EIF2B3: variants seen among roughly 807,000 people sequenced by gnomAD.
EIF2B3 encodes the protein translation initiation factor eIF2B subunit gamma.
EIF2B3 carries 20 observed loss-of-function variants against 54.1 expected under a neutral mutation model. That is an observed-to-expected ratio of 0.37 (90% CI 0.26 to 0.54). EIF2B3 has a LOEUF of 0.54. EIF2B3 is among the 20% of genes least tolerant of loss of function. The probability of loss-of-function intolerance (pLI) is 0.86; values close to 1 mark genes in which losing one functional copy is unlikely to be tolerated. For missense variants in EIF2B3, 448 were observed against 547.8 expected (o/e 0.82, Z 1.82); for synonymous variants, 153 against 188.1 (o/e 0.81, Z 1.52).
At chr1:44,877,218 A>AC (rs1655221443) in intron 8 of EIF2B3, among the ~76,000 whole-genome samples, 1 of 150,232 alleles carries the variant, frequency 6.7e-6, no homozygotes, top group African/African-American at 2.5e-5. Flanking sequence ...AAAAAAAAAA[A>AC]AAAACACCTT....
chr1:44,984,815 T>C (rs954919736), intron 1 of EIF2B3, among the ~76,000 whole-genome samples: 1 of 132,454 alleles, frequency 7.5e-6, no homozygotes, highest in Non-Finnish European at 1.6e-5. Context: ...TTTTTTTTTT[T>C]TTGAGACGGA....
At chr1:44,982,961 G>T (rs540394832) in intron 1 of EIF2B3, among the ~76,000 whole-genome samples, 38 of 152,126 alleles carry the variant, frequency 2.5e-4, no homozygotes, top group South Asian at 1.9e-3. Context: ...GTAGAGACAG[G>T]GTTTCTCCAC....
chr1:44,936,509 T>C (rs1318127386), intron 4 of EIF2B3, among the ~76,000 whole-genome samples: 1 of 151,946 alleles, frequency 6.6e-6, no homozygotes, highest in Non-Finnish European at 1.5e-5. Flanking sequence ...GAGAATTGCT[T>C]GAACCCGAGA....
chr1:44,969,442 G>T (rs1000688478), intron 3 of EIF2B3, among the ~76,000 whole-genome samples: 2 of 152,124 alleles, frequency 1.3e-5, no homozygotes, highest in African/African-American at 4.8e-5. Flanking sequence ...TTATATTTAT[G>T]AGGCAACTGA....
chr1:44,851,335 G>T (rs563535128), intron 11 of EIF2B3, among the ~76,000 whole-genome samples: 53 of 152,152 alleles, frequency 3.5e-4, no homozygotes, highest in Middle Eastern at 6.8e-3. Flanking sequence ...AAAGTGCTGG[G>T]ATTACAGGTA....
intron 3 of EIF2B3, among the ~76,000 whole-genome samples, chr1:44,965,019 C>T (rs1644322119): frequency 6.6e-6 from 1 of 152,186 alleles, no homozygotes; most frequent in African/African-American, 2.4e-5. Flanking sequence ...GGTCAGGATC[C>T]ATATCCAAGG....
intron 5 of EIF2B3, among the ~76,000 whole-genome samples, chr1:44,919,538 A>G (rs1297168663): frequency 6.6e-6 from 1 of 152,130 alleles, no homozygotes; most frequent in Admixed American, 6.6e-5. Context: ...GTTGAAACAC[A>G]TCACATGTTG....
At chr1:44,968,300 G>C in intron 3 of EIF2B3, among the ~76,000 whole-genome samples, 1 of 150,076 alleles carries the variant, frequency 6.7e-6, no homozygotes, top group Non-Finnish European at 1.5e-5. Flanking sequence ...CAGGAGGTCA[G>C]GGCTGAAGTG....
intron 8 of EIF2B3, among the ~76,000 whole-genome samples, chr1:44,876,767 G>A (rs1363244227): frequency 6.9e-6 from 1 of 144,558 alleles, no homozygotes; most frequent in East Asian, 2.1e-4. Context: ...GGGAAAGGTG[G>A]GGAAAAGATT....
In EIF2B3 at chr1:44,881,517, A is replaced by G. The variant is rs1348384085; in HGVS notation, c.784+95T>C. The G allele has an allele frequency of 2.7e-6, 4 of 1,495,466 alleles. No individual in the cohort carries two copies. The East Asian group carries it at 9.2e-5, about 34-fold the overall frequency. The allele number at this position is 1,495,466 out of a possible 1,614,324, so 92.6% of individuals were successfully genotyped here. A position where few individuals can be genotyped will look rare whatever the true frequency, so the allele number is the denominator to read the frequency against. On this transcript the variant is annotated intron_variant, in intron 7 of 11. Coordinates refer to ENST00000360403, the MANE Select transcript of EIF2B3 (RefSeq NM_020365.5). This position sits in a 1 kb window ranked among gnomAD's most constrained non-coding sequence, Gnocchi z 4.0. ...AGGCTAGAAATAGTCTGCTGCCTTG[A>G]GTCAGGCATCTTGGGCTGGGCTAAG...
chr1:44,901,375 C>A (rs1643294671), intron 5 of EIF2B3, among the ~76,000 whole-genome samples: 1 of 151,970 alleles, frequency 6.6e-6, no homozygotes, highest in Non-Finnish European at 1.5e-5. Context: ...CTCGGCCTCC[C>A]AAAGTGTTGG....
At chr1:44,935,155 T>C (rs17390824) in intron 4 of EIF2B3, among the ~76,000 whole-genome samples, 22,657 of 152,244 alleles carry the variant, frequency 0.15, 1,816 homozygotes, top group Non-Finnish European at 0.17. Context: ...TAGAACATTT[T>C]CTATTTCAAG....
At chr1:44,934,200 A>C (rs1643922384) in intron 4 of EIF2B3, among the ~76,000 whole-genome samples, 1 of 152,070 alleles carries the variant, frequency 6.6e-6, no homozygotes. Flanking sequence ...GTTCAAGACC[A>C]GCCTGGCCAA....
chr1:44,950,527 C>G (rs372513750), intron 3 of EIF2B3, among the ~76,000 whole-genome samples: 1 of 151,618 alleles, frequency 6.6e-6, no homozygotes. Flanking sequence ...GAGAACCTTT[C>G]GGGTTAGGGA....
chr1:44,903,766 C>G (rs913163066), intron 5 of EIF2B3, among the ~76,000 whole-genome samples: 1 of 152,268 alleles, frequency 6.6e-6, no homozygotes, highest in Middle Eastern at 3.4e-3. Flanking sequence ...GAAAGGAAAG[C>G]CATCATTAAT....
chr1:44,915,361 G>GAATGC (rs1487053747), intron 5 of EIF2B3, among the ~76,000 whole-genome samples: 1 of 152,004 alleles, frequency 6.6e-6, no homozygotes, highest in Non-Finnish European at 1.5e-5. Context: ...ATCTAGGCTG[G>GAATGC]AATGCAATGG....
chr1:44,950,635 T>C (rs1201803921), intron 3 of EIF2B3, among the ~76,000 whole-genome samples: 2 of 152,124 alleles, frequency 1.3e-5, no homozygotes, highest in Non-Finnish European at 2.9e-5. Flanking sequence ...TTAAATGATA[T>C]TGAATTATTT....
At chr1:44,942,018 C>A (rs1644029672) in intron 3 of EIF2B3, among the ~76,000 whole-genome samples, 1 of 151,978 alleles carries the variant, frequency 6.6e-6, no homozygotes, top group Non-Finnish European at 1.5e-5. Context: ...TTTAAAAGAG[C>A]ATTTTCACAT....
intron 11 of EIF2B3, among the ~76,000 whole-genome samples, chr1:44,853,361 G>C (rs1230872887): frequency 6.6e-6 from 1 of 152,116 alleles, no homozygotes; most frequent in Non-Finnish European, 1.5e-5. Flanking sequence ...CTGCAATCCA[G>C]CACTTCGGGA....
Sources: gnomAD v4.1 joint callset for allele counts (sites outside exome capture counted in the v4.1 genomes callset) on GRCh38, gnomAD v4.1.1 for gene constraint, Gnocchi (gnomAD v3.1) non-coding constraint, MANE v1.5 for transcripts, NCBI Gene and HGNC (gene_info 2026-07-23, HGNC 2026-07-21) for gene names.